Variants in ANO3 observed in about 807,000 individuals in gnomAD.
The protein encoded by ANO3 is anoctamin-3.
In ANO3, 99 loss-of-function variants were observed where a neutral mutation model predicts 144.8. That is an observed-to-expected ratio of 0.68 (90% CI 0.58 to 0.81). The LOEUF (loss-of-function observed/expected upper bound fraction) is 0.81, where lower values mean the gene tolerates loss of function less well. Ranked by LOEUF, ANO3 falls within the 30% of genes least tolerant of loss-of-function variation. The pLI, the probability that ANO3 is intolerant of heterozygous loss-of-function variation, is 0.00. For synonymous variants in ANO3, 414 were observed against 392.6 expected (o/e 1.05, Z -0.64); for missense variants, 905 against 1,202.2 (o/e 0.75, Z 3.66).
At chr11:26,219,863 G>A (rs757573831) in intron 1 of ANO3, among the ~76,000 whole-genome samples, 4 of 152,150 alleles carry the variant, frequency 2.6e-5, no homozygotes, top group Non-Finnish European at 4.4e-5. Flanking sequence ...TGCATGTGCC[G>A]CACTGCAGCT....
chr11:26,340,698 A>G (rs1407838131), intron 1 of ANO3, among the ~76,000 whole-genome samples: 2 of 152,232 alleles, frequency 1.3e-5, no homozygotes, highest in Non-Finnish European at 2.9e-5. Flanking sequence ...TTGATGCTAC[A>G]GTTATTAGTA....
upstream of ANO3, among the ~76,000 whole-genome samples, chr11:26,330,665 T>A (rs1407298705): frequency 1.3e-5 from 2 of 152,162 alleles, no homozygotes; most frequent in Admixed American, 6.5e-5. Context: ...ACCTGCAAAA[T>A]CCATAAGTAA....
intron 14 of ANO3, among the ~76,000 whole-genome samples, chr11:26,572,635 G>T (rs1183601540): frequency 6.6e-6 from 1 of 152,042 alleles, no homozygotes; most frequent in African/African-American, 2.4e-5. Flanking sequence ...AAAATGTAGT[G>T]GGGTCAGTAG....
chr11:26,612,542 T>A (rs2132970127), intron 17 of ANO3, among the ~76,000 whole-genome samples: 1 of 151,088 alleles, frequency 6.6e-6, no homozygotes, highest in African/African-American at 2.4e-5. Context: ...ATAGCACCGT[T>A]ATTTCAATAG....
intron 17 of ANO3, among the ~76,000 whole-genome samples, chr11:26,608,816 C>T (rs1402827975): frequency 6.6e-6 from 1 of 152,154 alleles, no homozygotes; most frequent in Non-Finnish European, 1.5e-5. Context: ...GGGAAAAGCA[C>T]AGCCTGGAGT....
chr11:26,314,505 T>C (rs945448526), intron 1 of ANO3, among the ~76,000 whole-genome samples: 3 of 152,280 alleles, frequency 2.0e-5, no homozygotes, highest in African/African-American at 7.2e-5. Flanking sequence ...TGGCCAAAAA[T>C]GGATTGGCGA....
chr11:26,344,851 G>A (rs1467572478), intron 1 of ANO3, among the ~76,000 whole-genome samples: 4 of 152,086 alleles, frequency 2.6e-5, no homozygotes, highest in African/African-American at 9.7e-5. Context: ...CCACTCAGAC[G>A]TACTTATGCC....
intron 17 of ANO3, among the ~76,000 whole-genome samples, chr11:26,605,728 G>A (rs1851916510): frequency 1.3e-5 from 2 of 152,080 alleles, no homozygotes; most frequent in South Asian, 2.1e-4. Flanking sequence ...TTTGCATAGA[G>A]GTGTTTATAG....
intron 17 of ANO3, among the ~76,000 whole-genome samples, chr11:26,621,154 C>T (rs913379506): frequency 2.0e-5 from 3 of 152,156 alleles, no homozygotes; most frequent in Non-Finnish European, 2.9e-5. Context: ...CCTGCCTTTG[C>T]TGTTCTTTTT....
Position 26,441,120 on chromosome 11 carries a change from T to G in ANO3, c.47-798T>G, listed in dbSNP as rs554408332. Among the ~76,000 whole-genome samples, 125 of 123,418 alleles carry G rather than the reference T, an allele frequency of 1.0e-3. 1 individual carries two copies. The highest frequency in any genetic ancestry group is 3.7e-3 in the African/African-American group (115 of 31,276). 81.0% of individuals were successfully genotyped at this position (123,418 alleles called of 152,430 possible). ...CTTGCTGCCCAGTTTTTTTTTTTTT[T>G]TTTTTTTTTTTTTTTGAGACGGAGT... is the stretch of plus-strand genomic sequence containing the variant. On this transcript the variant is annotated intron_variant, in intron 1 of 26. Coordinates refer to ENST00000256737, the MANE Select transcript of ANO3 (RefSeq NM_031418.4).
intron 14 of ANO3, among the ~76,000 whole-genome samples, chr11:26,594,720 G>GA (rs1851558060): frequency 6.6e-6 from 1 of 152,110 alleles, no homozygotes; most frequent in Non-Finnish European, 1.5e-5. Context: ...CCAGGGCAGG[G>GA]AGGTAGACTC....
At chr11:26,529,406 A>T (rs1418485106) in intron 7 of ANO3, among the ~76,000 whole-genome samples, 1 of 790 alleles carries the variant, frequency 1.3e-3, no homozygotes. Context: ...ATTATATAAT[A>T]ATATATAATA....
chr11:26,373,115 CATATAA>C (rs1856308907), intron 1 of ANO3, among the ~76,000 whole-genome samples: 3 of 152,098 alleles, frequency 2.0e-5, no homozygotes, highest in Admixed American at 1.3e-4. Flanking sequence ...CACACACACA[CATATAA>C]ATGTAAATGA....
At chr11:26,483,346 C>G (rs1397370575) in intron 4 of ANO3, among the ~76,000 whole-genome samples, 1 of 152,086 alleles carries the variant, frequency 6.6e-6, no homozygotes. Flanking sequence ...TGTGTTCCCA[C>G]CCAAATCGCA....
intron 1 of ANO3, among the ~76,000 whole-genome samples, chr11:26,424,166 A>ATT (rs144378169): frequency 2.6e-5 from 4 of 151,168 alleles, no homozygotes; most frequent in African/African-American, 7.3e-5. Context: ...CTGCAAATAG[A>ATT]TTTTTTTTAC....
intron 1 of ANO3, among the ~76,000 whole-genome samples, chr11:26,253,600 A>G (rs1404837150): frequency 6.6e-6 from 1 of 152,066 alleles, no homozygotes; most frequent in African/African-American, 2.4e-5. Flanking sequence ...CATTTTGACA[A>G]TTTGCAATGA....
At chr11:26,544,116 C>T (rs1161260168) in intron 11 of ANO3, among the ~76,000 whole-genome samples, 10 of 150,836 alleles carry the variant, frequency 6.6e-5, no homozygotes, top group African/African-American at 1.2e-4. Context: ...TTAGGATTTG[C>T]GAGCACACAT....
intron 14 of ANO3, among the ~76,000 whole-genome samples, chr11:26,592,106 A>G (rs1472241539): frequency 6.6e-6 from 1 of 152,138 alleles, no homozygotes; most frequent in Non-Finnish European, 1.5e-5. Flanking sequence ...GTCTTCAATT[A>G]AGTTGGCTCT....
chr11:26,500,758 C>T (rs1440551515), intron 4 of ANO3, among the ~76,000 whole-genome samples: 1 of 151,392 alleles, frequency 6.6e-6, no homozygotes, highest in Non-Finnish European at 1.5e-5. Flanking sequence ...TACACTTTCA[C>T]TTGCTTTATG....
Sources: allele counts gnomAD v4.1 joint callset (sites outside exome capture counted in the v4.1 genomes callset), GRCh38; gene constraint gnomAD v4.1.1; transcripts MANE v1.5; gene names NCBI Gene and HGNC (gene_info 2026-07-23, HGNC 2026-07-21).